Variants in ZNF207 observed in about 807,000 individuals in gnomAD.
ZNF207 encodes zinc finger protein 207, also known as BUB3-interacting and GLEBS motif-containing protein ZNF207.
ZNF207 carries 24 observed loss-of-function variants against 60.2 expected under a neutral mutation model. The observed-to-expected ratio is 0.40, with a 90% CI of 0.29 to 0.56. The LOEUF is 0.56. ZNF207 is among the 20% of genes least tolerant of loss of function. The probability of loss-of-function intolerance (pLI) is 0.49; values close to 1 mark genes in which losing one functional copy is unlikely to be tolerated. For synonymous variants in ZNF207, 236 were observed against 194.7 expected (o/e 1.21, Z -1.77); for missense variants, 452 against 636.6 (o/e 0.71, Z 3.12).
intron 1 of ZNF207, chr17:32,350,930 A>C (rs2041494488): frequency 6.6e-6 from 1 of 150,824 alleles, no homozygotes; most frequent in Non-Finnish European, 1.5e-5. Context: ...GCGTTCTCAC[A>C]GGGCGGAGTT....
intron 2 of ZNF207, among the ~76,000 whole-genome samples, chr17:32,353,153 A>T (rs1037493539): frequency 1.3e-5 from 2 of 152,052 alleles, no homozygotes; most frequent in East Asian, 3.9e-4. Flanking sequence ...CAGCCTGGGC[A>T]ACAGGGTGAG....
rs1254482700 is a variant in ZNF207, at chr17:32,378,078, GT to G, written c.*8320del. ...AAGCTGTGCGGTTACTTAAATGTTAGTATAACTAATAATAGATCCATTGGAC... is the reference window on the plus strand; with the variant it reads ...AAGCTGTGCGGTTACTTAAATGTTAGATAACTAATAATAGATCCATTGGAC... On this transcript the variant is annotated 3_prime_UTR_variant, in exon 12 of 12. Coordinates refer to ENST00000394670, the MANE Select transcript of ZNF207 (RefSeq NM_001098507.2). The G allele has an allele frequency of 6.6e-6, 1 of 152,420 alleles. No individual in the cohort carries two copies. Among genetic ancestry groups the G allele is most frequent in the Non-Finnish European group, 1.5e-5 (1 of 67,910 alleles). 9.4% of individuals were successfully genotyped at this position (152,420 alleles called of 1,614,324 possible). A position where few individuals can be genotyped will look rare whatever the true frequency, so the allele number is the denominator to read the frequency against.
rs1336607471 is a variant in ZNF207, at chr17:32,374,234, T to C, written c.*4475T>C. 3 of 139,726 alleles carry C rather than the reference T, an allele frequency of 2.1e-5. No homozygotes were observed. Among genetic ancestry groups the C allele is most frequent in the Non-Finnish European group, 4.6e-5 (3 of 65,204 alleles). 8.7% of individuals were successfully genotyped at this position (139,726 alleles called of 1,614,324 possible). ...ATTCTTTTTTTTTTTTTTTTTTTTT[T>C]TTTGAGACTGTCTCGCTGTGTCACC... On this transcript the variant is annotated 3_prime_UTR_variant, in exon 12 of 12. Transcript: ENST00000394670.
chr17:32,360,743 A>G lies in ZNF207; in HGVS notation c.453A>G (p.Pro151=). The change falls in exon 4 of 12, where the codon CCA becomes CCG. Residue 151 remains proline, a synonymous_variant. Transcript: ENST00000394670. ...CACAGCCAGGACTGCCACCAGTACC[A>G]GGAGCACCAGGAATGCCTCCAGGTA... ...PMAQPGLPPV[P]GAPGMPPGIP... The G allele has an allele frequency of 6.2e-7, 1 of 1,614,100 alleles. No individual in the cohort carries two copies. Among genetic ancestry groups the G allele is most frequent in the East Asian group, 2.2e-5 (1 of 44,884 alleles).
At chr17:32,356,580 C>T (rs1279471652) in intron 2 of ZNF207, among the ~76,000 whole-genome samples, 3 of 152,010 alleles carry the variant, frequency 2.0e-5, no homozygotes, top group South Asian at 2.1e-4. Context: ...CTTTTCTGTT[C>T]GTACATGAAA....
intron 10 of ZNF207, chr17:32,369,051 G>T: frequency 2.2e-6 from 1 of 453,732 alleles, no homozygotes. Flanking sequence ...ATAGTTTCTT[G>T]TTGAAGCAAT....
chr17:32,366,647 C>A lies in ZNF207; in HGVS notation c.829-18C>A. 1 of 1,579,938 alleles carries A rather than the reference C, an allele frequency of 6.3e-7. No homozygotes were observed. Among genetic ancestry groups the A allele is most frequent in the Non-Finnish European group, 8.6e-7 (1 of 1,167,762 alleles). On this transcript the variant is annotated intron_variant, in intron 8 of 11. Coordinates refer to ENST00000394670, the MANE Select transcript of ZNF207 (RefSeq NM_001098507.2). ...TTGTTTGGAGACTTTTCATTGTTTC[C>A]TTTCTTTTATGCTACAGATGGGGAC... is the stretch of plus-strand genomic sequence containing the variant.
intron 2 of ZNF207, among the ~76,000 whole-genome samples, chr17:32,355,521 A>G (rs1034400317): frequency 3.3e-5 from 5 of 152,222 alleles, no homozygotes; most frequent in African/African-American, 9.6e-5. Flanking sequence ...TATCCAGATG[A>G]AAAGGTTACC....
chr17:32,360,478 T>C, intron 3 of ZNF207, 120 bp from the exon 4 acceptor site: 1 of 982,414 alleles, frequency 1.0e-6, no homozygotes, highest in Non-Finnish European at 1.5e-6. Context: ...TTAATTGAAT[T>C]TTTGGGGAAG....
chr17:32,363,998 AG>A (rs1157016712), intron 7 of ZNF207, among the ~76,000 whole-genome samples: 4 of 150,940 alleles, frequency 2.7e-5, no homozygotes, highest in African/African-American at 9.7e-5. Flanking sequence ...TCAGACAAGA[AG>A]GGGTGTCGGT....
Position 32,371,615 on chromosome 17 carries a change from A to C in ZNF207, c.*1856A>C, listed in dbSNP as rs1430950319. ...CATTTAAAAATTAGCCAGGCGCGTTAGTGTGTGTCTGTGGTCCCAGCTGCT... is the reference window on the plus strand; with the variant it reads ...CATTTAAAAATTAGCCAGGCGCGTTCGTGTGTGTCTGTGGTCCCAGCTGCT... On this transcript the variant is annotated 3_prime_UTR_variant, in exon 12 of 12. Transcript: ENST00000394670. The C allele has an allele frequency of 1.3e-5, 2 of 152,124 alleles. No individual in the cohort carries two copies. Among genetic ancestry groups the C allele is most frequent in the African/African-American group, 4.8e-5 (2 of 41,404 alleles). The allele number at this position is 152,124 out of a possible 1,614,324, so 9.4% of individuals were successfully genotyped here. A position where few individuals can be genotyped will look rare whatever the true frequency, so the allele number is the denominator to read the frequency against.
rs1451595632 is a variant in ZNF207, at chr17:32,378,342, AC to A, written c.*8585del. On this transcript the variant is annotated 3_prime_UTR_variant, in exon 12 of 12. Transcript: ENST00000394670. ...CTATTTCATGGTGGTTCTCTCATTC[AC>A]CTTTTAACTTTTTACATTATGAATC... is the stretch of plus-strand genomic sequence containing the variant. The A allele has an allele frequency of 6.6e-6, 1 of 152,000 alleles. No individual in the cohort carries two copies. Among genetic ancestry groups the A allele is most frequent in the East Asian group, 1.9e-4 (1 of 5,192 alleles). The allele number at this position is 152,000 out of a possible 1,614,324, so 9.4% of individuals were successfully genotyped here.
chr17:32,362,107 T>A (rs2150796143), intron 6 of ZNF207, among the ~76,000 whole-genome samples: 1 of 149,638 alleles, frequency 6.7e-6, no homozygotes, highest in South Asian at 2.1e-4. Flanking sequence ...TTGGTGGTAG[T>A]ATTTCCTTTC....
rs544663114 is a variant in ZNF207 at position 32,373,262 on chromosome 17, T to C, written c.*3503T>C. On this transcript the variant is annotated 3_prime_UTR_variant, in exon 12 of 12. Transcript: ENST00000394670. ...GTACGGGCTCAGAGTGGAATTGTAG[T>C]GGACAATAGTTAAAAACAAAGCTGC... 6.0e-6 allele frequency: 3 copies of C among 501,252 alleles called. No homozygotes were observed. The highest frequency in any genetic ancestry group is 3.8e-5 in the African/African-American group (2 of 52,136). The allele number at this position is 501,252 out of a possible 1,614,324, so 31.1% of individuals were successfully genotyped here.
At chr17:32,354,802 G>T (rs985645857) in intron 2 of ZNF207, among the ~76,000 whole-genome samples, 1 of 151,906 alleles carries the variant, frequency 6.6e-6, no homozygotes, top group African/African-American at 2.4e-5. Context: ...TTTTAGTACA[G>T]ATGGGGTTTC....
In ZNF207 at chr17:32,373,264, G is replaced by A; in HGVS notation, c.*3505G>A. ...ACGGGCTCAGAGTGGAATTGTAGTG[G>A]ACAATAGTTAAAAACAAAGCTGCTC... is the stretch of plus-strand genomic sequence containing the variant. On this transcript the variant is annotated 3_prime_UTR_variant, in exon 12 of 12. Transcript: ENST00000394670. The A allele has an allele frequency of 1.9e-6, 1 of 520,462 alleles. No homozygotes were observed. Among genetic ancestry groups the A allele is most frequent in the Non-Finnish European group, 3.4e-6 (1 of 291,644 alleles). 32.2% of individuals were successfully genotyped at this position (520,462 alleles called of 1,614,324 possible). A position where few individuals can be genotyped will look rare whatever the true frequency, so the allele number is the denominator to read the frequency against.
rs998753662 is a variant in ZNF207 at position 32,369,210 on chromosome 17, C to T, written c.1165-85C>T. On this transcript the variant is annotated intron_variant, in intron 10 of 11. Transcript: ENST00000394670. ...GTAAATTTTTGAAAATTACTCTTAA[C>T]GTTGTAAGATTTTAGATGCATGCCT... The T allele has an allele frequency of 3.2e-5, 48 of 1,480,110 alleles. No individual in the cohort carries two copies. In the South Asian group the frequency reaches 4.1e-4, roughly 13 times the overall value. 91.7% of individuals were successfully genotyped at this position (1,480,110 alleles called of 1,614,324 possible). A position where few individuals can be genotyped will look rare whatever the true frequency, so the allele number is the denominator to read the frequency against.
At position 32,350,197 on chromosome 17, in the gene ZNF207, A is replaced by G. The variant is rs1339634777; in HGVS notation, c.-89A>G. The stretch of plus-strand genomic sequence containing the variant: ...TCTGCTTCCTGTGGGACGTGGTGGT[A>G]GCCGTTGGGTTGGGAAAGTGAGGGA... On this transcript the variant is annotated 5_prime_UTR_variant, in exon 1 of 12. Transcript: ENST00000394670. 3.8e-6 allele frequency: 6 copies of G among 1,577,538 alleles called. No individual in the cohort carries two copies. Among genetic ancestry groups the G allele is most frequent in the Non-Finnish European group, 3.5e-6 (4 of 1,148,162 alleles).
chr17:32,366,493 T>C (rs1037637053), intron 8 of ZNF207, among the ~76,000 whole-genome samples, 172 bp from the exon 9 acceptor site: 6 of 152,256 alleles, frequency 3.9e-5, no homozygotes, highest in Admixed American at 2.0e-4. Flanking sequence ...GCTCATACTT[T>C]AATTTTGTTT....
Sources: gnomAD v4.1 joint callset for allele counts (sites outside exome capture counted in the v4.1 genomes callset) on GRCh38, gnomAD v4.1.1 for gene constraint, MANE v1.5 for transcripts, NCBI Gene and HGNC (gene_info 2026-07-23, HGNC 2026-07-21) for gene names.